The following MAP4K2 variants were observed in gnomAD, a reference collection of about 807,000 sequenced individuals.
MAP4K2 encodes the protein mitogen-activated protein kinase kinase kinase kinase 2.
A neutral mutation model predicts 125.3 loss-of-function variants in MAP4K2; 85 were observed. The ratio of observed to expected loss-of-function variants is 0.68; its 90% CI spans 0.57 to 0.81. The LOEUF (loss-of-function observed/expected upper bound fraction) is 0.81, where lower values mean the gene tolerates loss of function less well. Among genes scored for constraint, MAP4K2 ranks in the 40% least tolerant of loss-of-function variants. MAP4K2 has a pLI of 0.00. For synonymous variants in MAP4K2, 479 were observed against 445.1 expected, an observed-to-expected ratio of 1.08 and a Z score of -0.96; for missense variants, 923 against 1,056.4, an observed-to-expected ratio of 0.87 and a Z score of 1.75.
chr11:64,802,051 C>T lies in MAP4K2; in HGVS notation c.366+15G>A. ...CTGGAGACCAGAGGTGTGGGCACCT[C>T]ACAGGCCCAGCTACCTTCAGTGCCT... On this transcript the variant is annotated intron_variant, in intron 5 of 31. Coordinates refer to ENST00000294066, the MANE Select transcript of MAP4K2 (RefSeq NM_004579.5). 2 of 1,610,538 alleles carry T rather than the reference C, an allele frequency of 1.2e-6. No individual in the cohort carries two copies. Among genetic ancestry groups the T allele is most frequent in the Non-Finnish European group, 8.5e-7 (1 of 1,179,244 alleles).
rs757689610 is a variant in MAP4K2 at position 64,800,974 on chromosome 11, G to A, written c.588C>T (p.Asp196=). 4 of 1,613,988 alleles carry A rather than the reference G, an allele frequency of 2.5e-6. No individual in the cohort carries two copies. The highest frequency in any genetic ancestry group is 1.3e-5 in the African/African-American group (1 of 75,032). The change falls in exon 9 of 32, where the codon GAC becomes GAT. Residue 196 remains aspartate (D), a synonymous_variant. Transcript: ENST00000294066. The stretch of plus-strand genomic sequence containing the variant: ...TGGCAGTGATGCCCAGGGCCCAGAC[G>A]TCACATAGCTCATTGTAGCCACCTT... ...ERKGGYNELC[D]VWALGITAIE... is the part of the protein sequence containing the mutation.
intron 14 of MAP4K2, 91 bp from the exon 15 acceptor site, chr11:64,798,928 CA>C: frequency 9.5e-7 from 1 of 1,050,822 alleles, no homozygotes; most frequent in Non-Finnish European, 1.4e-6. Context: ...GAAAGACAGA[CA>C]GACAGACAGA....
In MAP4K2 at chr11:64,789,766, T is replaced by A. The variant is rs775105122; in HGVS notation, c.2339A>T (p.Asp780Val). 2 of 1,614,104 alleles carry A rather than the reference T, an allele frequency of 1.2e-6. No homozygotes were observed. Among genetic ancestry groups the A allele is most frequent in the South Asian group, 2.2e-5 (2 of 91,082 alleles). ...DTNEVTQEITDETRIFRVLGA... is the reference protein window; with the variant it reads ...DTNEVTQEITVETRIFRVLGA... Reference sequence around the variant, plus strand: ...AAGCACTCGGAAGATCCTTGTTTCATCTGTGATCTCCTGGGTCACCTGGGA... The same window carrying A: ...AAGCACTCGGAAGATCCTTGTTTCAACTGTGATCTCCTGGGTCACCTGGGA... The change falls in exon 31 of 32, where the codon GAT (aspartate) becomes GTT (valine). Residue 780 changes from aspartate (D) to valine (V), a missense_variant. This residue lies in a region of MAP4K2 where 90 missense variants were observed against 144.9 expected (regional missense o/e 0.62). Transcript: ENST00000294066.
At chr11:64,790,703 G>C (rs1482321421) in intron 27 of MAP4K2, among the ~76,000 whole-genome samples, 2 of 152,186 alleles carry the variant, frequency 1.3e-5, no homozygotes, top group Non-Finnish European at 2.9e-5. Flanking sequence ...CCACGGGAGG[G>C]CTCCAGGTTT....
At chr11:64,792,336 G>GCGCC in intron 25 of MAP4K2, 28 bp downstream of exon 25, 1 of 614,814 alleles carries the variant, frequency 1.6e-6, no homozygotes, top group Non-Finnish European at 2.4e-6. Flanking sequence ...ACCAGGCCCC[G>GCGCC]CCCCACCCCG....
Position 64,801,050 on chromosome 11 carries a change from A to T in MAP4K2, c.531-19T>A, listed in dbSNP as rs763209857. On this transcript the variant is annotated intron_variant, in intron 8 of 31. Coordinates refer to ENST00000294066, the MANE Select transcript of MAP4K2 (RefSeq NM_004579.5). ...AGCCATCCTAGAGGTGGGGTCACAG[A>T]TGGGATGGCCGGGTGCCCTGCTCTG... is the stretch of plus-strand genomic sequence containing the variant. The T allele has an allele frequency of 6.2e-7, 1 of 1,613,744 alleles. No homozygotes were observed. The highest frequency in any genetic ancestry group is 8.5e-7 in the Non-Finnish European group (1 of 1,179,980).
chr11:64,788,512 T>C lies in MAP4K2; in HGVS notation c.*1025A>G, dbSNP rs1193470488. On this transcript the variant is annotated 3_prime_UTR_variant, in exon 32 of 32. Transcript: ENST00000294066. ...AGCACAAGCTACAGGAGAATGGCCA[T>C]GCCCTCAAGATGCAGGCTCCAGCAA... 3 of 152,230 alleles carry C rather than the reference T, an allele frequency of 2.0e-5. No individual in the cohort carries two copies. Among genetic ancestry groups the C allele is most frequent in the South Asian group, 2.1e-4 (1 of 4,826 alleles). The allele number at this position is 152,230 out of a possible 1,614,324, so 9.4% of individuals were successfully genotyped here.
rs374428057 is a variant in MAP4K2, at chr11:64,786,514, C to T, written c.*3023G>A. On this transcript the variant is annotated 3_prime_UTR_variant, in exon 32 of 32. Coordinates refer to ENST00000294066, the MANE Select transcript of MAP4K2 (RefSeq NM_004579.5). The stretch of plus-strand genomic sequence containing the variant: ...CCGAAGCACACATCATGGTGCTCCC[C>T]TTGACTTTCACCAGGATGACTCCGG... 3 of 152,228 alleles carry T rather than the reference C, an allele frequency of 2.0e-5. No homozygotes were observed. Among genetic ancestry groups the T allele is most frequent in the Non-Finnish European group, 4.4e-5 (3 of 68,044 alleles). 9.4% of individuals were successfully genotyped at this position (152,228 alleles called of 1,614,324 possible).
intron 24 of MAP4K2, among the ~76,000 whole-genome samples, chr11:64,793,535 T>C (rs1940622948): frequency 6.6e-6 from 1 of 152,250 alleles, no homozygotes; most frequent in South Asian, 2.1e-4. Context: ...TCTCAGCCTG[T>C]TTCTTCCTCT....
At position 64,801,216 on chromosome 11, in the gene MAP4K2, T is replaced by G. The variant is rs749068589; in HGVS notation, c.458-33A>C. ...GAGAAACAGCCACTCTCACCAGCCC[T>G]CTGGCTGCCACTCACCCTCCCACGC... On this transcript the variant is annotated intron_variant, in intron 7 of 31. Transcript: ENST00000294066. 27 of 1,604,094 alleles carry G rather than the reference T, an allele frequency of 1.7e-5. No individual in the cohort carries two copies. In the South Asian group the frequency reaches 2.8e-4, roughly 16 times the overall value.
intron 10 of MAP4K2, 53 bp downstream of exon 10, chr11:64,800,711 C>CTCTGT: frequency 6.4e-7 from 1 of 1,557,760 alleles, no homozygotes; most frequent in Admixed American, 1.9e-5. Context: ...GGCTGTTTGT[C>CTCTGT]CACTATGGGG....
rs761035711 is a variant in MAP4K2 at position 64,802,926 on chromosome 11, G to A, written c.113C>T (p.Thr38Met). Residue 38 changes from threonine (T) to methionine (M), a missense_variant, in exon 2 of 32, where the codon ACG becomes ATG. By Grantham distance (81) the Thr-to-Met change is moderately conservative. This residue lies in a region of MAP4K2 where 833 missense variants were observed against 911.4 expected (regional missense o/e 0.91). Transcript: ENST00000294066. The part of the protein sequence containing the change: ...GDVYKARDTV[T>M]SELAAVKIVK... ...TATCTTCACGGCGGCCAGTTCGGAC[G>A]TGACCGTGTCGCGGGCCTGCAGGGG... The A allele has an allele frequency of 3.1e-6, 5 of 1,592,054 alleles. No homozygotes were observed. In the African/African-American group the frequency reaches 4.0e-5, roughly 13 times the overall value.
intron 27 of MAP4K2, among the ~76,000 whole-genome samples, chr11:64,790,817 T>C (rs1940431498): frequency 6.6e-6 from 1 of 152,128 alleles, no homozygotes; most frequent in African/African-American, 2.4e-5. Flanking sequence ...TGGCACTGCC[T>C]TGAGAGGCTA....
At position 64,800,212 on chromosome 11, in the gene MAP4K2, G is replaced by A. The variant is rs758134863; in HGVS notation, c.812C>T (p.Pro271Leu). 16 of 1,612,978 alleles carry A rather than the reference G, an allele frequency of 9.9e-6. 1 individual carries two copies. Among genetic ancestry groups the A allele is most frequent in the East Asian group, 6.7e-5 (3 of 44,884 alleles). The stretch of plus-strand genomic sequence containing the variant: ...CCGAGGGAGCTGCTGAGTCGTGAAC[G>A]GGTGCTGGAAAGTGGGGGAGGGGGG... ...RPTAEKLLQH[P>L]FTTQQLPRAL... The change falls in exon 12 of 32, where the codon CCG (proline) becomes CTG (leucine). Residue 271 changes from proline to leucine, a missense_variant. Physicochemically the swap from Pro to Leu is moderately conservative, Grantham distance 98. This residue lies in a region of MAP4K2 where 833 missense variants were observed against 911.4 expected (regional missense o/e 0.91). Coordinates refer to ENST00000294066, the MANE Select transcript of MAP4K2 (RefSeq NM_004579.5).
chr11:64,792,128 C>A (rs752539543), intron 26 of MAP4K2, 42 bp from the exon 27 acceptor site: 10 of 1,583,694 alleles, frequency 6.3e-6, no homozygotes, highest in African/African-American at 1.3e-5. Flanking sequence ...TTTCTCCCCC[C>A]AGAGCTCTGA....
chr11:64,789,600 G>A lies in MAP4K2; in HGVS notation c.2400C>T (p.Pro800=), dbSNP rs2136033825. Residue 800 remains proline, a synonymous_variant, in exon 32 of 32, where the codon CCC becomes CCT. Transcript: ENST00000294066. The part of the protein sequence containing the change: ...AHRDIILESI[P]TDNPEAHSNL... The stretch of plus-strand genomic sequence containing the variant: ...TGCTGTGCGCCTCTGGGTTGTCAGT[G>A]GGAATGCTCTCCAGGATGATGTCTC... The A allele has an allele frequency of 6.2e-7, 1 of 1,607,944 alleles. No homozygotes were observed. The highest frequency in any genetic ancestry group is 8.5e-7 in the Non-Finnish European group (1 of 1,177,270).
At position 64,792,352 on chromosome 11, in the gene MAP4K2, C is replaced by A; in HGVS notation, c.1810+12G>T. The A allele has an allele frequency of 6.4e-7, 1 of 1,571,510 alleles. No individual in the cohort carries two copies. The highest frequency in any genetic ancestry group is 1.2e-5 in the South Asian group (1 of 85,958). On this transcript the variant is annotated intron_variant, in intron 25 of 31. Transcript: ENST00000294066. ...CCAGGCCCCGCCCCACCCCGCCCAG[C>A]CCATTTCTTACCCACACGACACTGC...
In MAP4K2 at chr11:64,790,556, A is replaced by G. The variant is rs926220726; in HGVS notation, c.2093-94T>C. The G allele has an allele frequency of 4.2e-6, 5 of 1,192,734 alleles. No homozygotes were observed. In the African/African-American group the frequency reaches 7.4e-5, roughly 18 times the overall value. 73.9% of individuals were successfully genotyped at this position (1,192,734 alleles called of 1,614,324 possible). ...GCCAGGCTACAGACAGCCCTTGGCCATGAGGGCACGTCAGCCTCACAACAG... is the reference window on the plus strand; with the variant it reads ...GCCAGGCTACAGACAGCCCTTGGCCGTGAGGGCACGTCAGCCTCACAACAG... On this transcript the variant is annotated intron_variant, in intron 27 of 31. Coordinates refer to ENST00000294066, the MANE Select transcript of MAP4K2 (RefSeq NM_004579.5).
intron 27 of MAP4K2, among the ~76,000 whole-genome samples, chr11:64,791,146 A>T (rs561807790): frequency 2.0e-5 from 3 of 152,318 alleles, no homozygotes; most frequent in South Asian, 2.1e-4. Context: ...AAAAAATAAA[A>T]AAATAAATAA....
Sources: gnomAD v4.1 joint callset for allele counts (sites outside exome capture counted in the v4.1 genomes callset) on GRCh38, gnomAD v4.1.1 for gene constraint, gnomAD v4.1.1 regional missense constraint, MANE v1.5 for transcripts, NCBI Gene and HGNC (gene_info 2026-07-23, HGNC 2026-07-21) for gene names.